Variants in SKAP1 observed in about 807,000 individuals in gnomAD.
SKAP1 encodes src kinase-associated phosphoprotein 1.
Under a neutral mutation model 58.5 loss-of-function variants are expected in SKAP1, and 44 were observed. The observed-to-expected ratio is 0.75, with a 90% CI of 0.59 to 0.97. The LOEUF (loss-of-function observed/expected upper bound fraction) is 0.97. Among genes scored for constraint, SKAP1 ranks in the 50% least tolerant of loss-of-function variants. SKAP1 has a pLI of 0.00. For missense variants in SKAP1, 390 were observed against 435.2 expected (o/e 0.90, Z 0.92); for synonymous variants, 127 against 149.7 (o/e 0.85, Z 1.11).
rs138924730 is a variant in SKAP1 at position 48,417,841 on chromosome 17, T to C, written c.46+12234A>G. Among the ~76,000 whole-genome samples the C allele has an allele frequency of 4.1e-3, 617 of 152,244 alleles. 8 individuals are homozygous for C. Among genetic ancestry groups the C allele is most frequent in the African/African-American group, 0.014 (591 of 41,542 alleles). On this transcript the variant is annotated intron_variant, in intron 1 of 12. Coordinates refer to ENST00000336915, the MANE Select transcript of SKAP1 (RefSeq NM_003726.4). ...ACAGCAGTGTGGATATATAAAATAT[T>C]TGGAAACACCTTAAACATCCATCAA...
intron 4 of SKAP1, 114 bp from the exon 5 acceptor site, chr17:48,189,614 AC>A: frequency 1.5e-6 from 1 of 666,204 alleles, no homozygotes; most frequent in Non-Finnish European, 2.6e-6. Context: ...AATTGCTTAA[AC>A]ACAGTACAAA....
intron 2 of SKAP1, among the ~76,000 whole-genome samples, chr17:48,394,349 C>T (rs2067388730): frequency 1.3e-5 from 2 of 149,018 alleles, no homozygotes; most frequent in South Asian, 4.2e-4. Flanking sequence ...ATTTTTTACT[C>T]TTTTTTTTTT....
chr17:48,271,362 C>CTTTTT (rs35447830), intron 4 of SKAP1, among the ~76,000 whole-genome samples: 11 of 106,294 alleles, frequency 1.0e-4, no homozygotes, highest in Admixed American at 3.2e-4. Flanking sequence ...TTCTTTGTTT[C>CTTTTT]TTTTTTTTTT....
chr17:48,205,027 CTT>C (rs554995970), intron 4 of SKAP1, among the ~76,000 whole-genome samples: 1 of 56,156 alleles, frequency 1.8e-5, no homozygotes, highest in African/African-American at 6.2e-5. Context: ...TTCTTTCTTT[CTT>C]TCTTTCTTTC....
chr17:48,164,298 G>A (rs1370356306), intron 10 of SKAP1, among the ~76,000 whole-genome samples: 1 of 152,136 alleles, frequency 6.6e-6, no homozygotes, highest in African/African-American at 2.4e-5. Context: ...TATTTTTCAT[G>A]GATTTATATA....
chr17:48,292,132 CAA>C (rs67360130), intron 4 of SKAP1, among the ~76,000 whole-genome samples: 7 of 121,578 alleles, frequency 5.8e-5, no homozygotes, highest in Admixed American at 8.3e-5. Context: ...TTAGCCTATT[CAA>C]AAAAAAAAAA....
intron 9 of SKAP1, among the ~76,000 whole-genome samples, chr17:48,171,048 T>G (rs1326632537): frequency 6.6e-6 from 1 of 151,078 alleles, no homozygotes; most frequent in Non-Finnish European, 1.5e-5. Flanking sequence ...CCCCTTTCTC[T>G]GAGCTCATCA....
At chr17:48,330,180 G>A (rs1231488560) in intron 4 of SKAP1, among the ~76,000 whole-genome samples, 1 of 152,124 alleles carries the variant, frequency 6.6e-6, no homozygotes, top group Non-Finnish European at 1.5e-5. Flanking sequence ...CTCCTAGAAT[G>A]CAGGTAAACT....
chr17:48,400,309 G>C (rs1327566178), intron 1 of SKAP1, among the ~76,000 whole-genome samples: 1 of 151,922 alleles, frequency 6.6e-6, no homozygotes, highest in Non-Finnish European at 1.5e-5. Context: ...TCGTTAGCTA[G>C]GCTGGTCTCA....
intron 8 of SKAP1, among the ~76,000 whole-genome samples, chr17:48,181,344 T>C (rs1423447097): frequency 2.0e-5 from 3 of 152,316 alleles, no homozygotes; most frequent in South Asian, 2.1e-4. Flanking sequence ...TTGAGTTTTA[T>C]TGAGGTTTAC....
chr17:48,355,517 A>G (rs931297675), intron 3 of SKAP1, among the ~76,000 whole-genome samples: 4 of 152,162 alleles, frequency 2.6e-5, no homozygotes, highest in African/African-American at 7.2e-5. Flanking sequence ...GGCTCAAGCA[A>G]TCAGCCTCCC....
chr17:48,268,864 A>C lies in SKAP1; in HGVS notation c.280+77041T>G, dbSNP rs991488243. Among the ~76,000 whole-genome samples the C allele has an allele frequency of 3.9e-5, 6 of 152,224 alleles. No homozygotes were observed. In the South Asian group the frequency reaches 1.0e-3, roughly 26 times the overall value. On this transcript the variant is annotated intron_variant, in intron 4 of 12. Transcript: ENST00000336915. ...AGATTTTTAAGTTACTTGATAAAAC[A>C]ATTCTGAAATTTACAGGAAAAATAA...
intron 4 of SKAP1, among the ~76,000 whole-genome samples, chr17:48,253,501 G>A (rs535575141): frequency 1.3e-5 from 2 of 152,236 alleles, no homozygotes; most frequent in East Asian, 1.9e-4. Context: ...AAAATTACAC[G>A]TGGCATTTCT....
intron 4 of SKAP1, among the ~76,000 whole-genome samples, chr17:48,322,467 G>T (rs1424077220): frequency 2.0e-5 from 3 of 152,232 alleles, no homozygotes; most frequent in Non-Finnish European, 1.5e-5. Flanking sequence ...ATAACGGAAA[G>T]AGTGGGCTGG....
intron 4 of SKAP1, among the ~76,000 whole-genome samples, chr17:48,229,137 G>A (rs1210596481): frequency 6.6e-6 from 1 of 152,096 alleles, no homozygotes. Flanking sequence ...ACACATTGTA[G>A]GCACCCAAAA....
At chr17:48,230,150 T>TA (rs915725071) in intron 4 of SKAP1, among the ~76,000 whole-genome samples, 2 of 152,086 alleles carry the variant, frequency 1.3e-5, no homozygotes, top group Non-Finnish European at 2.9e-5. Context: ...GCTCTAGGGC[T>TA]AAAAAAAGAT....
chr17:48,392,879 T>TATA (rs1567896437), intron 2 of SKAP1, among the ~76,000 whole-genome samples: 2 of 129,340 alleles, frequency 1.5e-5, no homozygotes, highest in South Asian at 4.4e-4. Flanking sequence ...ATATATATAT[T>TATA]TTTTTTTTCT....
intron 1 of SKAP1, among the ~76,000 whole-genome samples, chr17:48,402,819 A>G (rs1380007727): frequency 6.6e-6 from 1 of 152,250 alleles, no homozygotes; most frequent in Non-Finnish European, 1.5e-5. Flanking sequence ...CCAGTCACAA[A>G]GGACCACATA....
chr17:48,284,559 T>C (rs1458817392), intron 4 of SKAP1, among the ~76,000 whole-genome samples: 1 of 151,964 alleles, frequency 6.6e-6, no homozygotes, highest in Non-Finnish European at 1.5e-5. Flanking sequence ...GTCATCATGT[T>C]CAAAAACAGC....
Sources: gnomAD v4.1 joint callset for allele counts (sites outside exome capture counted in the v4.1 genomes callset) on GRCh38, gnomAD v4.1.1 for gene constraint, MANE v1.5 for transcripts, NCBI Gene and HGNC (gene_info 2026-07-23, HGNC 2026-07-21) for gene names.